ANKRD61: variants seen among roughly 807,000 people sequenced by gnomAD.
The protein encoded by ANKRD61 is ankyrin repeat domain 61, also known as ankyrin repeat domain-containing protein 61.
ANKRD61 carries 7 observed loss-of-function variants against 8.4 expected under a neutral mutation model. The ratio of observed to expected loss-of-function variants is 0.84; its 90% CI spans 0.48 to 1.57. ANKRD61 has a LOEUF of 1.57. Ranked by LOEUF, ANKRD61 falls within the 40% of genes most tolerant of loss-of-function variation. ANKRD61 has a pLI of 0.00. For synonymous variants in ANKRD61, 198 were observed against 208.0 expected, an observed-to-expected ratio of 0.95 and a Z score of 0.41; for missense variants, 516 against 523.4, an observed-to-expected ratio of 0.99 and a Z score of 0.14.
rs1346880889 is a variant in ANKRD61 at position 6,031,560 on chromosome 7, A to G, written c.185A>G (p.Asn62Ser). The change falls in exon 1 of 3, where the codon AAC (asparagine) becomes AGC (serine). Residue 62 changes from asparagine to serine, a missense_variant. Transcript: ENST00000409061. The stretch of plus-strand genomic sequence containing the variant: ...AACCAGCCCATCACCATTCTGCCCA[A>G]CTCCGCCAGCAACAGATTACTTCTG... ...PVNQPITILP[N>S]SASNRLLLTQ... The G allele has an allele frequency of 6.4e-7, 1 of 1,550,592 alleles. No individual in the cohort carries two copies.
Position 6,036,000 on chromosome 7 carries a change from G to C in ANKRD61, c.871G>C (p.Glu291Gln). Residue 291 changes from glutamate to glutamine, a missense_variant, in exon 3 of 3, where the codon GAG becomes CAG. Coordinates refer to ENST00000409061, the MANE Select transcript of ANKRD61 (RefSeq NM_001271700.2). This position sits in a 1 kb window ranked among gnomAD's most constrained non-coding sequence, Gnocchi z 5.5. ...CCATGAGGCATGCTTTGGAGGCAGAGAGGCAATCATCAATCTCCTGCTTGA... is the reference window on the plus strand; with the variant it reads ...CCATGAGGCATGCTTTGGAGGCAGACAGGCAATCATCAATCTCCTGCTTGA... ...AIHEACFGGR[E>Q]AIINLLLEFE... is the part of the protein sequence containing the mutation. 3 of 1,551,102 alleles carry C rather than the reference G, an allele frequency of 1.9e-6. No individual in the cohort carries two copies. Among genetic ancestry groups the C allele is most frequent in the South Asian group, 1.2e-5 (1 of 84,052 alleles).
Position 6,035,901 on chromosome 7 carries a change from G to GTCAGCTGCATCCGTCTGCTACTCAC in ANKRD61, c.776_800dup (p.His267GlnfsTer26). ...AGCAGGCCGACTCCTCGGGGCGGGG[G>GTCAGCTGCATCCGTCTGCTACTCAC]TCAGCTGCATCCGTCTGCTACTCAC... is the stretch of plus-strand genomic sequence containing the variant. On this transcript the variant is annotated frameshift_variant, in exon 3 of 3. Transcript: ENST00000409061. LOFTEE classifies it low-confidence loss of function (END_TRUNC). The surrounding 1 kb of genome is among the most constrained non-coding windows in gnomAD (Gnocchi z 5.5). The GTCAGCTGCATCCGTCTGCTACTCAC allele has an allele frequency of 6.5e-7, 1 of 1,546,870 alleles. No individual in the cohort carries two copies. The highest frequency in any genetic ancestry group is 1.2e-5 in the South Asian group (1 of 83,508).
chr7:6,034,512 C>G (rs1337658939), intron 2 of ANKRD61, among the ~76,000 whole-genome samples: 1 of 152,056 alleles, frequency 6.6e-6, no homozygotes, highest in African/African-American at 2.4e-5. Flanking sequence ...ACTGCATGCA[C>G]TATGTGAGGC....
Position 6,035,841 on chromosome 7 carries a change from C to T in ANKRD61, c.712C>T (p.Pro238Ser), listed in dbSNP as rs1328574851. 1.3e-6 allele frequency: 2 copies of T among 1,548,386 alleles called. No individual in the cohort carries two copies. The highest frequency in any genetic ancestry group is 1.7e-6 in the Non-Finnish European group (2 of 1,145,402). The change falls in exon 3 of 3, where the codon CCC (proline) becomes TCC (serine). Residue 238 changes from proline to serine, a missense_variant. By Grantham distance (74) the Pro-to-Ser change is moderately conservative. Transcript: ENST00000409061. The surrounding 1 kb of genome is among the most constrained non-coding windows in gnomAD (Gnocchi z 5.5). ...TGCTGTCTCTTCCACGGGGAACACGCCCCTGAAGCTTGCAGTGTGCACTGC... is the reference window on the plus strand; with the variant it reads ...TGCTGTCTCTTCCACGGGGAACACGTCCCTGAAGCTTGCAGTGTGCACTGC... ...NCAVSSTGNT[P>S]LKLAVCTASS...
In ANKRD61 at chr7:6,036,314, C is replaced by A; in HGVS notation, c.1185C>A (p.His395Gln). 1 of 1,545,612 alleles carries A rather than the reference C, an allele frequency of 6.5e-7. No homozygotes were observed. The highest frequency in any genetic ancestry group is 1.2e-5 in the South Asian group (1 of 83,502). The change falls in exon 3 of 3, where the codon CAC becomes CAA. Residue 395 changes from histidine (H) to glutamine (Q), a missense_variant. Coordinates refer to ENST00000409061, the MANE Select transcript of ANKRD61 (RefSeq NM_001271700.2). This position sits in a 1 kb window ranked among gnomAD's most constrained non-coding sequence, Gnocchi z 4.6. Reference sequence around the variant, plus strand: ...TTTATGGTGAGAAATACAAACAGCACTTGAAGCAATTCCTCCCAGTGACAA... The same window carrying A: ...TTTATGGTGAGAAATACAAACAGCAATTGAAGCAATTCCTCCCAGTGACAA... ...RNIYGEKYKQ[H>Q]LKQFLPVTIW...
intron 2 of ANKRD61, among the ~76,000 whole-genome samples, chr7:6,034,482 G>A (rs999348602): frequency 6.6e-6 from 1 of 151,892 alleles, no homozygotes; most frequent in Non-Finnish European, 1.5e-5. Context: ...CTCCTTAGGG[G>A]ACCCTTTCCT....
chr7:6,033,669 A>C lies in ANKRD61; in HGVS notation c.314+733A>C, dbSNP rs952614339. On this transcript the variant is annotated intron_variant, in intron 2 of 2. Coordinates refer to ENST00000409061, the MANE Select transcript of ANKRD61 (RefSeq NM_001271700.2). This position sits in a 1 kb window ranked among gnomAD's most constrained non-coding sequence, Gnocchi z 4.4. The stretch of plus-strand genomic sequence containing the variant: ...GCAGTGGCACCATTCTCCTGGGTTC[A>C]CGCCATTCTCCTGCCTCAGCCTCCC... Among the ~76,000 whole-genome samples the C allele has an allele frequency of 1.3e-5, 2 of 151,034 alleles. No homozygotes were observed. The highest frequency in any genetic ancestry group is 1.3e-4 in the Admixed American group (2 of 15,132).
intron 1 of ANKRD61, among the ~76,000 whole-genome samples, 190 bp downstream of exon 1, chr7:6,031,781 C>T (rs1439455668): frequency 6.6e-6 from 1 of 152,182 alleles, no homozygotes; most frequent in Admixed American, 6.6e-5. Context: ...CACACACAAA[C>T]CAACATGAGA....
In ANKRD61 at chr7:6,036,385, G is replaced by A. The variant is rs947820035; in HGVS notation, c.1256G>A (p.Ter419=). 1 of 1,459,518 alleles carries A rather than the reference G, an allele frequency of 6.9e-7. No individual in the cohort carries two copies. The highest frequency in any genetic ancestry group is 1.4e-5 in the African/African-American group (1 of 70,230). 90.4% of individuals were successfully genotyped at this position (1,459,518 alleles called of 1,614,324 possible). A position where few individuals can be genotyped will look rare whatever the true frequency, so the allele number is the denominator to read the frequency against. ...YCCYDLAYTS[*] ...TGTTATGACTTGGCATATACCTCTT[G>A]AAATAAGACCTCCCAGTTTCACAGC... Residue 419 remains the stop codon, a stop_retained_variant, in exon 3 of 3, where the codon TGA becomes TAA. Transcript: ENST00000409061. This position sits in a 1 kb window ranked among gnomAD's most constrained non-coding sequence, Gnocchi z 4.6.
In ANKRD61 at chr7:6,035,596, G is replaced by C. The variant is rs1190807983; in HGVS notation, c.467G>C (p.Gly156Ala). Residue 156 changes from glycine (G) to alanine (A), a missense_variant, in exon 3 of 3, where the codon GGA becomes GCA. By Grantham distance (60) the Gly-to-Ala change is moderately conservative. Coordinates refer to ENST00000409061, the MANE Select transcript of ANKRD61 (RefSeq NM_001271700.2). This position sits in a 1 kb window ranked among gnomAD's most constrained non-coding sequence, Gnocchi z 5.5. ...ITCLRILCAH[G>A]AQVNTQGEIS... ...TGTCTCCGCATCTTGTGTGCGCACG[G>C]AGCTCAAGTGAACACTCAAGGGGAA... 6.4e-6 allele frequency: 10 copies of C among 1,550,898 alleles called. No homozygotes were observed. The Middle Eastern group carries it at 8.3e-4, about 129-fold the overall frequency.
At chr7:6,034,224 T>G (rs1313116928) in intron 2 of ANKRD61, among the ~76,000 whole-genome samples, 1 of 151,856 alleles carries the variant, frequency 6.6e-6, no homozygotes, top group East Asian at 2.0e-4. Context: ...GGAGAATCGC[T>G]TGAACCCGTG....
chr7:6,033,457 C>G lies in ANKRD61; in HGVS notation c.314+521C>G, dbSNP rs1787974825. ...ATAAATATTTTGCCAAATTAATGCA[C>G]ATTCTGAGGATTAAGAGCTCAATGG... is the stretch of plus-strand genomic sequence containing the variant. On this transcript the variant is annotated intron_variant, in intron 2 of 2. Coordinates refer to ENST00000409061, the MANE Select transcript of ANKRD61 (RefSeq NM_001271700.2). The surrounding 1 kb of genome is among the most constrained non-coding windows in gnomAD (Gnocchi z 4.4). Among the ~76,000 whole-genome samples, 1 of 152,108 alleles carries G rather than the reference C, an allele frequency of 6.6e-6. No individual in the cohort carries two copies. The highest frequency in any genetic ancestry group is 1.5e-5 in the Non-Finnish European group (1 of 68,032).
chr7:6,035,854 C>T lies in ANKRD61; in HGVS notation c.725C>T (p.Ala242Val). The T allele has an allele frequency of 6.5e-7, 1 of 1,547,886 alleles. No homozygotes were observed. Among genetic ancestry groups the T allele is most frequent in the Non-Finnish European group, 8.7e-7 (1 of 1,145,086 alleles). Residue 242 changes from alanine to valine, a missense_variant, in exon 3 of 3, where the codon GCA becomes GTA. Transcript: ENST00000409061. This position sits in a 1 kb window ranked among gnomAD's most constrained non-coding sequence, Gnocchi z 5.5. ...ACGGGGAACACGCCCCTGAAGCTTG[C>T]AGTGTGCACTGCATCAAGCAAAGCA... ...SSTGNTPLKL[A>V]VCTASSKAGR...
At chr7:6,034,308 AAATAAT>A (rs1008114156) in intron 2 of ANKRD61, among the ~76,000 whole-genome samples, 1 of 151,864 alleles carries the variant, frequency 6.6e-6, no homozygotes, top group African/African-American at 2.4e-5. Context: ...CTCCATCTCA[AAATAAT>A]AATAATAATA....
chr7:6,032,218 C>T lies in ANKRD61; in HGVS notation c.217-621C>T, dbSNP rs1787933851. Among the ~76,000 whole-genome samples, 1 of 152,082 alleles carries T rather than the reference C, an allele frequency of 6.6e-6. No homozygotes were observed. The highest frequency in any genetic ancestry group is 1.5e-5 in the Non-Finnish European group (1 of 68,004). ...ATAGTTTTTCCCTTTTTAATATATA[C>T]ATTTTCATTTTCTAAATTTTTATAC... On this transcript the variant is annotated intron_variant, in intron 1 of 2. Coordinates refer to ENST00000409061, the MANE Select transcript of ANKRD61 (RefSeq NM_001271700.2). The surrounding 1 kb of genome is among the most constrained non-coding windows in gnomAD (Gnocchi z 4.3).
chr7:6,034,761 A>C (rs1416505531), intron 2 of ANKRD61, among the ~76,000 whole-genome samples: 1 of 152,156 alleles, frequency 6.6e-6, no homozygotes. Context: ...TGCCAAAACA[A>C]AGGAATTTTT....
chr7:6,034,997 C>A (rs1370240324), intron 2 of ANKRD61, among the ~76,000 whole-genome samples: 1 of 152,094 alleles, frequency 6.6e-6, no homozygotes, highest in African/African-American at 2.4e-5. Flanking sequence ...GTGGCAATAA[C>A]AGATCACACT....
chr7:6,031,411 G>T lies in ANKRD61; in HGVS notation c.36G>T (p.Leu12=). Residue 12 remains leucine (L), a synonymous_variant, in exon 1 of 3, where the codon CTG becomes CTT. Transcript: ENST00000409061. The part of the protein sequence containing the change: ...GNITRKGSRD[L]VVDSAKSLED... ...TAACCAGGAAAGGAAGCAGAGACCT[G>T]GTGGTTGACAGTGCCAAGTCCCTGG... 1 of 1,550,776 alleles carries T rather than the reference G, an allele frequency of 6.4e-7. No individual in the cohort carries two copies. Among genetic ancestry groups the T allele is most frequent in the Non-Finnish European group, 8.7e-7 (1 of 1,147,036 alleles).
chr7:6,035,583 TTG>T lies in ANKRD61; in HGVS notation c.459_460del (p.His155ArgfsTer43). ...QNSSITCLRILCAHGAQVNTQ... is the reference protein window; with the variant it reads ...QNSSITCLRIXCAHGAQVNTQ... ...TAGCAGCATCACATGTCTCCGCATC[TTG>T]TGTGCGCACGGAGCTCAAGTGAACA... On this transcript the variant is annotated frameshift_variant, in exon 3 of 3. Transcript: ENST00000409061. LOFTEE classifies it low-confidence loss of function (END_TRUNC). This position sits in a 1 kb window ranked among gnomAD's most constrained non-coding sequence, Gnocchi z 5.5. 1 of 1,551,152 alleles carries T rather than the reference TTG, an allele frequency of 6.4e-7. No individual in the cohort carries two copies. Among genetic ancestry groups the T allele is most frequent in the Non-Finnish European group, 8.7e-7 (1 of 1,147,118 alleles).
Sources: allele counts gnomAD v4.1 joint callset (sites outside exome capture counted in the v4.1 genomes callset), GRCh38; gene constraint gnomAD v4.1.1; non-coding constraint Gnocchi (gnomAD v3.1); transcripts MANE v1.5; gene names NCBI Gene and HGNC (gene_info 2026-07-23, HGNC 2026-07-21).